The following PPM1B variants were observed in gnomAD, a reference collection of about 807,000 sequenced individuals.
PPM1B encodes protein phosphatase, Mg2+/Mn2+ dependent 1B, also known as protein phosphatase 1B.
A neutral mutation model predicts 43.0 loss-of-function variants in PPM1B; 22 were observed. The observed-to-expected ratio is 0.51, with a 90% CI of 0.37 to 0.73. The LOEUF is 0.73. Ranked by LOEUF, PPM1B falls within the 30% of genes least tolerant of loss-of-function variation. The probability of loss-of-function intolerance (pLI) is 0.00; values close to 1 mark genes in which losing one functional copy is unlikely to be tolerated. For missense variants in PPM1B, 632 were observed against 584.2 expected (o/e 1.08, Z -0.84); for synonymous variants, 217 against 197.9 (o/e 1.10, Z -0.81).
At chr2:44,221,806 TTGAGTA>T (rs1009400317) in intron 5 of PPM1B, among the ~76,000 whole-genome samples, 80 of 152,166 alleles carry the variant, frequency 5.3e-4, no homozygotes, top group African/African-American at 1.9e-3. Flanking sequence ...GAAAGTAGAG[TTGAGTA>T]TAAGTCATAA....
chr2:44,169,086 GA>G lies in PPM1B; in HGVS notation c.-201del. 5.4e-6 allele frequency: 1 copy of G among 185,466 alleles called. No individual in the cohort carries two copies. Among genetic ancestry groups the G allele is most frequent in the South Asian group, 7.8e-5 (1 of 12,752 alleles). 11.5% of individuals were successfully genotyped at this position (185,466 alleles called of 1,614,324 possible). ...ATCGGCAACGGCGCTAGGGTGGAGA[GA>G]AGGCGGCATCGGCGGCGGCGGCGGC... On this transcript the variant is annotated 5_prime_UTR_variant, in exon 1 of 6. It introduces an in-frame stop codon into an upstream open reading frame of the 5' UTR. Transcript: ENST00000282412.
intron 3 of PPM1B, chr2:44,209,549 A>G: frequency 2.4e-6 from 1 of 413,182 alleles, no homozygotes. Context: ...TGGCAGGCTG[A>G]GGCGGGCAGA....
intron 1 of PPM1B, among the ~76,000 whole-genome samples, chr2:44,191,438 A>T (rs937101576): frequency 1.3e-5 from 2 of 151,844 alleles, no homozygotes; most frequent in African/African-American, 4.8e-5. Context: ...CTGGTGTCGA[A>T]CTCCTGACCT....
At position 44,229,850 on chromosome 2, in the gene PPM1B, CTTAA is replaced by C. The variant is rs550558629; in HGVS notation, c.1135-560_1135-557del. On this transcript the variant is annotated intron_variant, in intron 5 of 5. Transcript: ENST00000282412. ...TAGTTTATTATTCATACTGAGAATA[CTTAA>C]TTTATTTTTATCTAGAGATGTTTTT... 7.2e-4 allele frequency: 564 copies of C among 787,598 alleles called. 2 individuals are homozygous for C. The highest frequency in any genetic ancestry group is 3.4e-3 in the South Asian group (159 of 47,338). The allele number at this position is 787,598 out of a possible 1,614,324, so 48.8% of individuals were successfully genotyped here.
Position 44,201,378 on chromosome 2 carries a change from A to G in PPM1B, c.179A>G (p.Asp60Gly). 4 of 1,614,116 alleles carry G rather than the reference A, an allele frequency of 2.5e-6. No homozygotes were observed. Among genetic ancestry groups the G allele is most frequent in the Non-Finnish European group, 3.4e-6 (4 of 1,180,008 alleles). Reference protein sequence around the residue: ...LEDWSFFAVYDGHAGSRVANY... With the variant: ...LEDWSFFAVYGGHAGSRVANY... Reference sequence around the variant, plus strand: ...GACTGGTCATTTTTTGCAGTTTATGATGGTCATGCTGGATCCCGAGTGGCA... The same window carrying G: ...GACTGGTCATTTTTTGCAGTTTATGGTGGTCATGCTGGATCCCGAGTGGCA... Residue 60 changes from aspartate (D) to glycine (G), a missense_variant, in exon 2 of 6, where the codon GAT becomes GGT. Physicochemically the swap from Asp to Gly is moderately conservative, Grantham distance 94 (BLOSUM62 -1). Around this residue, in one of 3 missense-constraint regions of PPM1B, gnomAD observed 200 missense variants for 200.7 expected, o/e 1.00. Transcript: ENST00000282412. The surrounding 1 kb of genome is among the most constrained non-coding windows in gnomAD (Gnocchi z 5.4).
chr2:44,185,613 G>C (rs1470251991), intron 1 of PPM1B, among the ~76,000 whole-genome samples: 1 of 152,132 alleles, frequency 6.6e-6, no homozygotes, highest in African/African-American at 2.4e-5. Flanking sequence ...AATTATTCTT[G>C]TATCTGGGGT....
chr2:44,212,988 G>C (rs1213804983), intron 3 of PPM1B, among the ~76,000 whole-genome samples: 1 of 148,472 alleles, frequency 6.7e-6, no homozygotes, highest in African/African-American at 2.5e-5. Flanking sequence ...ACTCCAGGCT[G>C]GGCGACAGAG....
chr2:44,232,258 A>C (rs192564924), downstream of PPM1B: 4 of 1,572,328 alleles, frequency 2.5e-6, no homozygotes, highest in Admixed American at 4.2e-5. Context: ...TTGAAATTCA[A>C]TCCAATCTGG....
At chr2:44,219,761 T>G (rs1334097391) in intron 5 of PPM1B, among the ~76,000 whole-genome samples, 1 of 151,912 alleles carries the variant, frequency 6.6e-6, no homozygotes, top group Non-Finnish European at 1.5e-5. Flanking sequence ...CTGACCAACA[T>G]GGAGAAACCC....
Position 44,201,865 on chromosome 2 carries a change from A to G in PPM1B, c.666A>G (p.Pro222=). 1.9e-6 allele frequency: 3 copies of G among 1,614,228 alleles called. No individual in the cohort carries two copies. The highest frequency in any genetic ancestry group is 1.7e-6 in the Non-Finnish European group (2 of 1,180,036). Residue 222 remains proline (P), a synonymous_variant, in exon 2 of 6, where the codon CCA becomes CCG. Coordinates refer to ENST00000282412, the MANE Select transcript of PPM1B (RefSeq NM_002706.6). The surrounding 1 kb of genome is among the most constrained non-coding windows in gnomAD (Gnocchi z 5.4). ...GKGPTEQLVS[P]EPEVYEILRA... is the part of the protein sequence containing the mutation. The stretch of plus-strand genomic sequence containing the variant: ...GCCCAACAGAACAACTTGTTTCTCC[A>G]GAGCCTGAGGTTTATGAAATTTTAA...
intron 1 of PPM1B, among the ~76,000 whole-genome samples, chr2:44,181,502 A>C (rs1667872799): frequency 6.6e-6 from 1 of 152,228 alleles, no homozygotes; most frequent in African/African-American, 2.4e-5. Flanking sequence ...GAAGTCAGGG[A>C]GATCCACTAG....
At chr2:44,224,208 C>T (rs1273994756) in intron 5 of PPM1B, among the ~76,000 whole-genome samples, 1 of 152,092 alleles carries the variant, frequency 6.6e-6, no homozygotes, top group East Asian at 1.9e-4. Context: ...GTAATCCCAA[C>T]ACTTTGGGAG....
chr2:44,189,032 G>C (rs1486589502), intron 1 of PPM1B, among the ~76,000 whole-genome samples: 1 of 151,834 alleles, frequency 6.6e-6, no homozygotes, highest in Non-Finnish European at 1.5e-5. Context: ...ACCACACCTG[G>C]CTAATCTTTT....
chr2:44,234,828 T>G (rs549324582), downstream of PPM1B, among the ~76,000 whole-genome samples: 61 of 152,380 alleles, frequency 4.0e-4, no homozygotes, highest in Non-Finnish European at 7.5e-4. Context: ...CATGTTAATA[T>G]ATAAACCATT....
chr2:44,232,309 C>A (rs1348142837), downstream of PPM1B: 1 of 1,604,306 alleles, frequency 6.2e-7, no homozygotes, highest in Non-Finnish European at 8.5e-7. Flanking sequence ...CTTTTCTCTT[C>A]CTGTAGGGTG....
intron 5 of PPM1B, among the ~76,000 whole-genome samples, chr2:44,225,497 A>C (rs558971627): frequency 1.3e-5 from 2 of 152,346 alleles, no homozygotes; most frequent in East Asian, 3.9e-4. Context: ...TCTATTGTCT[A>C]TCCAGAGTGA....
At chr2:44,241,170 A>G (rs1670737098) in intron 5 of PPM1B, among the ~76,000 whole-genome samples, 1 of 142,372 alleles carries the variant, frequency 7.0e-6, no homozygotes, top group African/African-American at 2.5e-5. Context: ...CGCCCGGCTG[A>G]TTTTGTATTT....
chr2:44,177,385 G>A lies in PPM1B; in HGVS notation c.-15+8111G>A, dbSNP rs1055780560. Among the ~76,000 whole-genome samples the A allele has an allele frequency of 1.5e-4, 22 of 147,734 alleles. 1 individual carries two copies. The highest frequency in any genetic ancestry group is 5.0e-4 in the African/African-American group (20 of 40,046). On this transcript the variant is annotated intron_variant, in intron 1 of 5. Coordinates refer to ENST00000282412, the MANE Select transcript of PPM1B (RefSeq NM_002706.6). Reference sequence around the variant, plus strand: ...TTTGTTTCTATTCATCTGTTCTGGAGTGTTTGGAATTGCAATGTGAAAGTG... The same window carrying A: ...TTTGTTTCTATTCATCTGTTCTGGAATGTTTGGAATTGCAATGTGAAAGTG...
intron 1 of PPM1B, among the ~76,000 whole-genome samples, chr2:44,199,816 C>T (rs1668846645): frequency 6.6e-6 from 1 of 151,958 alleles, no homozygotes; most frequent in African/African-American, 2.4e-5. Context: ...TCACATATAA[C>T]CCAGGAAAAT....
Sources: allele counts gnomAD v4.1 joint callset (sites outside exome capture counted in the v4.1 genomes callset), GRCh38; gene constraint gnomAD v4.1.1; regional missense constraint gnomAD v4.1.1; non-coding constraint Gnocchi (gnomAD v3.1); transcripts MANE v1.5; gene names NCBI Gene and HGNC (gene_info 2026-07-23, HGNC 2026-07-21).